LMO2: variants seen among roughly 807,000 people sequenced by gnomAD.
LMO2 encodes the protein LIM domain only 2, also known as rhombotin-2.
In LMO2, 20 loss-of-function variants were observed where a neutral mutation model predicts 23.2. The observed-to-expected ratio is 0.86, with a 90% CI of 0.61 to 1.25. The LOEUF (loss-of-function observed/expected upper bound fraction) is 1.25. LMO2 is among the 50% of genes most tolerant of loss of function. The pLI, the probability that LMO2 is intolerant of heterozygous loss-of-function variation, is 0.00. For synonymous variants in LMO2, 123 were observed against 130.2 expected, an observed-to-expected ratio of 0.94 and a Z score of 0.38; for missense variants, 270 against 315.3, an observed-to-expected ratio of 0.86 and a Z score of 1.09.
chr11:33,888,201 G>A (rs182205481), intron 1 of LMO2, among the ~76,000 whole-genome samples: 8 of 152,310 alleles, frequency 5.3e-5, no homozygotes, highest in Admixed American at 2.0e-4. Flanking sequence ...AAGCGCATTC[G>A]TATATGATCT....
rs1048292052 is a variant in LMO2, at chr11:33,869,847, C to T, written c.-131G>A. ...CACCTTCGGCCCGGGTCGCGGCGCG[C>T]TGCTCGCCGCCGAGGGCAGAGAGGG... On this transcript the variant is annotated 5_prime_UTR_variant, in exon 3 of 6. Coordinates refer to ENST00000257818, the MANE Select transcript of LMO2 (RefSeq NM_005574.4). The T allele has an allele frequency of 3.8e-6, 4 of 1,060,882 alleles. No individual in the cohort carries two copies. The highest frequency in any genetic ancestry group is 1.7e-5 in the African/African-American group (1 of 59,004). The allele number at this position is 1,060,882 out of a possible 1,614,324, so 65.7% of individuals were successfully genotyped here.
At chr11:33,876,582 C>T (rs1857142634) in intron 2 of LMO2, among the ~76,000 whole-genome samples, 1 of 152,144 alleles carries the variant, frequency 6.6e-6, no homozygotes, top group Non-Finnish European at 1.5e-5. Context: ...ATATTTGGAA[C>T]CAAGAGTTTG....
intron 2 of LMO2, among the ~76,000 whole-genome samples, chr11:33,874,178 C>A (rs1215930643): frequency 6.6e-6 from 1 of 152,144 alleles, no homozygotes; most frequent in Non-Finnish European, 1.5e-5. Flanking sequence ...AGACTCATTT[C>A]AGAACATTTC....
At chr11:33,868,652 G>C (rs374124727) in intron 4 of LMO2, among the ~76,000 whole-genome samples, 1 of 152,306 alleles carries the variant, frequency 6.6e-6, no homozygotes, top group East Asian at 1.9e-4. Context: ...TAAAAACTAC[G>C]AGACTCTACT....
Position 33,864,590 on chromosome 11 carries a change from C to T in LMO2, c.464+12G>A, listed in dbSNP as rs544291557. ...CCCTTCCGAGGGCCCAGTGGAGTGC[C>T]GGGGAGGGTACCTGAGATAGTCTCT... is the stretch of plus-strand genomic sequence containing the variant. On this transcript the variant is annotated intron_variant, in intron 5 of 5. Coordinates refer to ENST00000257818, the MANE Select transcript of LMO2 (RefSeq NM_005574.4). The surrounding 1 kb of genome is among the most constrained non-coding windows in gnomAD (Gnocchi z 4.8). 23 of 1,608,046 alleles carry T rather than the reference C, an allele frequency of 1.4e-5. No homozygotes were observed. The highest frequency in any genetic ancestry group is 6.6e-5 in the South Asian group (6 of 90,698).
chr11:33,873,290 T>C (rs1164176560), intron 2 of LMO2, among the ~76,000 whole-genome samples: 2 of 152,206 alleles, frequency 1.3e-5, no homozygotes, highest in East Asian at 3.8e-4. Flanking sequence ...CAGTTTCTTA[T>C]CTTTCACAAC....
chr11:33,876,148 A>G (rs55838468), intron 2 of LMO2, among the ~76,000 whole-genome samples: 162 of 152,242 alleles, frequency 1.1e-3, no homozygotes, highest in Non-Finnish European at 1.8e-3. Flanking sequence ...CTCTGTTCAA[A>G]TATTTCATCC....
chr11:33,888,559 G>A (rs542501176), intron 1 of LMO2, among the ~76,000 whole-genome samples: 35 of 151,960 alleles, frequency 2.3e-4, no homozygotes, highest in Non-Finnish European at 4.6e-4. Flanking sequence ...TCCTTCTTCC[G>A]GGAACATTCT....
At chr11:33,862,887 G>C (rs528490358) in intron 5 of LMO2, among the ~76,000 whole-genome samples, 1 of 151,976 alleles carries the variant, frequency 6.6e-6, no homozygotes, top group African/African-American at 2.4e-5. Flanking sequence ...ATGTGGCAGG[G>C]AGAAGAATTA....
chr11:33,879,872 T>C (rs1003242674), intron 2 of LMO2, among the ~76,000 whole-genome samples: 1 of 152,176 alleles, frequency 6.6e-6, no homozygotes, highest in Non-Finnish European at 1.5e-5. Context: ...TCTGGAGGGT[T>C]TGGAGTACTT....
At position 33,887,540 on chromosome 11, in the gene LMO2, ATTTTTTT is replaced by A. The variant is rs3072488; in HGVS notation, c.-336+4248_-336+4254del. 5.4e-3 allele frequency among the ~76,000 whole-genome samples: 716 copies of A among 132,952 alleles called. 6 individuals are homozygous for A. The highest frequency in any genetic ancestry group is 0.018 in the African/African-American group (660 of 35,772). 87.2% of individuals were successfully genotyped at this position (132,952 alleles called of 152,430 possible). A position where few individuals can be genotyped will look rare whatever the true frequency, so the allele number is the denominator to read the frequency against. On this transcript the variant is annotated intron_variant, in intron 1 of 5. Coordinates refer to ENST00000257818, the MANE Select transcript of LMO2 (RefSeq NM_005574.4). Reference sequence around the variant, plus strand: ...TAGCTGCAAGTCTCCAGGAATGTGGATTTTTTTTTTTTTTTTTTTTTTGAGACAGGGT... The same window carrying A: ...TAGCTGCAAGTCTCCAGGAATGTGGATTTTTTTTTTTTTTTGAGACAGGGT...
chr11:33,858,739 TA>T lies in LMO2; in HGVS notation c.*616del, dbSNP rs1410967461. ...CTCCTCCCCTCAAAATGAAGGTGTC[TA>T]AAAACAGTGATTCATCAGCATTGCT... On this transcript the variant is annotated 3_prime_UTR_variant, in exon 6 of 6. Coordinates refer to ENST00000257818, the MANE Select transcript of LMO2 (RefSeq NM_005574.4). 4 of 209,068 alleles carry T rather than the reference TA, an allele frequency of 1.9e-5. No individual in the cohort carries two copies. The highest frequency in any genetic ancestry group is 3.9e-5 in the Non-Finnish European group (4 of 103,000). 13.0% of individuals were successfully genotyped at this position (209,068 alleles called of 1,614,324 possible).
chr11:33,862,026 C>G (rs975352624), intron 5 of LMO2, among the ~76,000 whole-genome samples: 1 of 152,212 alleles, frequency 6.6e-6, no homozygotes, highest in African/African-American at 2.4e-5. Flanking sequence ...GCATTAACCT[C>G]TGGCACCAAG....
At chr11:33,860,110 G>A (rs1160488525) in intron 5 of LMO2, among the ~76,000 whole-genome samples, 2 of 152,076 alleles carry the variant, frequency 1.3e-5, no homozygotes, top group African/African-American at 4.8e-5. Flanking sequence ...AAGCTGCAAA[G>A]CACATCTCCC....
chr11:33,865,216 G>T, intron 4 of LMO2: 1 of 308,702 alleles, frequency 3.2e-6, no homozygotes, highest in South Asian at 3.0e-5. Flanking sequence ...GACACCCAAG[G>T]GCACTGCCTA....
At chr11:33,860,954 G>A (rs1022106262) in intron 5 of LMO2, among the ~76,000 whole-genome samples, 2 of 152,148 alleles carry the variant, frequency 1.3e-5, no homozygotes, top group African/African-American at 4.8e-5. Flanking sequence ...CACAAGTACC[G>A]GAAGCAGAGA....
intron 1 of LMO2, among the ~76,000 whole-genome samples, chr11:33,887,270 G>T (rs946948946): frequency 6.6e-6 from 1 of 152,240 alleles, no homozygotes; most frequent in African/African-American, 2.4e-5. Context: ...GGTGGGAGAA[G>T]TGAGCCAGTG....
intron 5 of LMO2, among the ~76,000 whole-genome samples, chr11:33,863,211 A>G (rs1015855098): frequency 2.2e-5 from 3 of 134,780 alleles, no homozygotes; most frequent in African/African-American, 8.2e-5. Context: ...TATTTATCCA[A>G]GTTCTATTTT....
intron 1 of LMO2, among the ~76,000 whole-genome samples, chr11:33,888,985 A>C (rs1857479879): frequency 6.6e-6 from 1 of 152,226 alleles, no homozygotes; most frequent in African/African-American, 2.4e-5. Flanking sequence ...CCAGGGTTCA[A>C]GTCTGACTAC....
Sources: allele counts gnomAD v4.1 joint callset (sites outside exome capture counted in the v4.1 genomes callset), GRCh38; gene constraint gnomAD v4.1.1; non-coding constraint Gnocchi (gnomAD v3.1); transcripts MANE v1.5; gene names NCBI Gene and HGNC (gene_info 2026-07-23, HGNC 2026-07-21).